The following SATB2 variants were observed in gnomAD, a reference collection of about 807,000 sequenced individuals.
The protein encoded by SATB2 is SATB homeobox 2, also known as DNA-binding protein SATB2.
A neutral mutation model predicts 73.4 loss-of-function variants in SATB2; 1 was observed. The observed-to-expected ratio is 0.01, with a 90% CI of 0.00 to 0.06. The LOEUF (loss-of-function observed/expected upper bound fraction) is 0.06, where lower values mean the gene tolerates loss of function less well. Ranked by LOEUF, SATB2 falls within the 10% of genes least tolerant of loss-of-function variation. SATB2 has a pLI of 1.00. For synonymous variants in SATB2, 397 were observed against 367.0 expected (o/e 1.08, Z -0.93); for missense variants, 459 against 945.8 (o/e 0.49, Z 6.75).
intron 10 of SATB2, among the ~76,000 whole-genome samples, chr2:199,280,400 A>T (rs1301458325): frequency 6.6e-6 from 1 of 152,208 alleles, no homozygotes; most frequent in Non-Finnish European, 1.5e-5. Context: ...GGCACCTTAA[A>T]AAAAGAACAG....
intron 10 of SATB2, among the ~76,000 whole-genome samples, chr2:199,283,294 A>G (rs1421504328): frequency 7.1e-6 from 1 of 141,686 alleles, no homozygotes; most frequent in African/African-American, 2.6e-5. Flanking sequence ...GTTTCATCGT[A>G]TTAGCCAGGA....
chr2:199,342,379 C>T (rs1314068362), intron 7 of SATB2, among the ~76,000 whole-genome samples: 1 of 149,992 alleles, frequency 6.7e-6, no homozygotes, highest in East Asian at 2.0e-4. Context: ...CCATAAAAGT[C>T]TTCAGAGACA....
chr2:199,454,550 A>G (rs1692219422), intron 2 of SATB2, among the ~76,000 whole-genome samples: 1 of 152,144 alleles, frequency 6.6e-6, no homozygotes, highest in Non-Finnish European at 1.5e-5. Flanking sequence ...TTGCTTCAAT[A>G]AAGTATATTT....
chr2:199,358,886 A>G (rs1689061880), intron 6 of SATB2, among the ~76,000 whole-genome samples: 1 of 152,084 alleles, frequency 6.6e-6, no homozygotes, highest in Non-Finnish European at 1.5e-5. Context: ...CCAGAACACT[A>G]TTGTCCCTTT....
At chr2:199,426,432 G>T (rs1691330374) in intron 3 of SATB2, among the ~76,000 whole-genome samples, 1 of 151,946 alleles carries the variant, frequency 6.6e-6, no homozygotes, top group South Asian at 2.1e-4. Context: ...GGGATTACAG[G>T]TGTGCGCCAC....
intron 10 of SATB2, among the ~76,000 whole-genome samples, chr2:199,279,286 T>C (rs1003877463): frequency 6.6e-6 from 1 of 152,226 alleles, no homozygotes; most frequent in African/African-American, 2.4e-5. Context: ...AAAGACCTAA[T>C]GGTACCATGA....
At chr2:199,431,311 C>A (rs1474900385) in intron 3 of SATB2, among the ~76,000 whole-genome samples, 1 of 152,170 alleles carries the variant, frequency 6.6e-6, no homozygotes, top group Non-Finnish European at 1.5e-5. Flanking sequence ...AGACAATGAT[C>A]TAATATATTT....
At chr2:199,281,861 G>A (rs190454580) in intron 10 of SATB2, among the ~76,000 whole-genome samples, 16 of 151,100 alleles carry the variant, frequency 1.1e-4, no homozygotes, top group South Asian at 2.1e-4. Context: ...GTTCTGTGGC[G>A]CTGCATTCCA....
intron 2 of SATB2, 79 bp from the exon 3 acceptor site, chr2:199,433,593 A>C: frequency 7.9e-7 from 1 of 1,263,838 alleles, no homozygotes; most frequent in Non-Finnish European, 1.2e-6. Context: ...GGGAAGCAAC[A>C]GTTATAAAAG....
chr2:199,320,855 A>T (rs1295988322), intron 9 of SATB2, among the ~76,000 whole-genome samples: 1 of 152,112 alleles, frequency 6.6e-6, no homozygotes, highest in Non-Finnish European at 1.5e-5. Context: ...TTAACAGCTG[A>T]TTACAGCAAT....
chr2:199,454,207 G>C (rs895833543), intron 2 of SATB2, among the ~76,000 whole-genome samples: 8 of 152,058 alleles, frequency 5.3e-5, no homozygotes, highest in African/African-American at 1.7e-4. Flanking sequence ...GAAGCACGTT[G>C]TTAACAATTA....
intron 9 of SATB2, among the ~76,000 whole-genome samples, chr2:199,315,174 G>C (rs1394567400): frequency 6.6e-6 from 1 of 151,774 alleles, no homozygotes; most frequent in Admixed American, 6.6e-5. Context: ...TTCTCTCTCT[G>C]TGTGTATATA....
chr2:199,421,573 C>T (rs1691170500), intron 3 of SATB2, among the ~76,000 whole-genome samples: 2 of 152,164 alleles, frequency 1.3e-5, no homozygotes, highest in African/African-American at 4.8e-5. Context: ...GGCAAAGAAA[C>T]ATCTTAACAC....
chr2:199,440,295 G>C (rs1177543049), intron 2 of SATB2, among the ~76,000 whole-genome samples: 1 of 152,042 alleles, frequency 6.6e-6, no homozygotes, highest in African/African-American at 2.4e-5. Flanking sequence ...CAGCCCCCTG[G>C]GCTAAGGCAG....
At position 199,270,829 on chromosome 2, in the gene SATB2, C is replaced by A. The variant is rs1324508303; in HGVS notation, c.*1382G>T. ...AAGTGATTCTACTGAAATCGCTTCA[C>A]ATACTCTATTGCCTGGAGCTGCACA... On this transcript the variant is annotated 3_prime_UTR_variant, in exon 11 of 11. Coordinates refer to ENST00000417098, the MANE Select transcript of SATB2 (RefSeq NM_001172509.2). 1 of 152,324 alleles carries A rather than the reference C, an allele frequency of 6.6e-6. No homozygotes were observed. Among genetic ancestry groups the A allele is most frequent in the Non-Finnish European group, 1.5e-5 (1 of 68,038 alleles). 9.4% of individuals were successfully genotyped at this position (152,324 alleles called of 1,614,324 possible).
intron 2 of SATB2, among the ~76,000 whole-genome samples, chr2:199,435,565 A>G (rs1691629080): frequency 6.6e-6 from 1 of 152,088 alleles, no homozygotes; most frequent in South Asian, 2.1e-4. Flanking sequence ...GCTGGTCTCG[A>G]ACTCCTAACC....
chr2:199,366,863 AAAAAG>A (rs1248097548), intron 6 of SATB2, among the ~76,000 whole-genome samples: 3 of 151,666 alleles, frequency 2.0e-5, no homozygotes, highest in African/African-American at 7.3e-5. Flanking sequence ...CCAGGAAAGA[AAAAAG>A]AAAAGTAGAA....
chr2:199,430,141 C>T (rs755840807), intron 3 of SATB2, among the ~76,000 whole-genome samples: 2 of 152,106 alleles, frequency 1.3e-5, no homozygotes, highest in Non-Finnish European at 2.9e-5. Flanking sequence ...GTGTGGGGAG[C>T]TCCATGGCTA....
In SATB2 at chr2:199,381,555, TC is replaced by T. The variant is rs1689776375; in HGVS notation, c.473+138del. 5.7e-6 allele frequency: 7 copies of T among 1,228,342 alleles called. No homozygotes were observed. In the East Asian group the frequency reaches 1.7e-4, roughly 30 times the overall value. 76.1% of individuals were successfully genotyped at this position (1,228,342 alleles called of 1,614,324 possible). On this transcript the variant is annotated intron_variant, in intron 4 of 10. Coordinates refer to ENST00000417098, the MANE Select transcript of SATB2 (RefSeq NM_001172509.2). ...AGGGCCACCCTTCTCCTTCTCTCCT[TC>T]TTTCCCTCTCTCTCCTTCTTTTCAT...
Sources: allele counts gnomAD v4.1 joint callset (sites outside exome capture counted in the v4.1 genomes callset), GRCh38; gene constraint gnomAD v4.1.1; transcripts MANE v1.5; gene names NCBI Gene and HGNC (gene_info 2026-07-23, HGNC 2026-07-21).